The following FIG4 variants were observed in gnomAD, a reference collection of about 807,000 sequenced individuals.
The protein encoded by FIG4 is FIG4 phosphoinositide 5-phosphatase, also known as polyphosphoinositide phosphatase.
In FIG4, 112 loss-of-function variants were observed where a neutral mutation model predicts 118.6. That is an observed-to-expected ratio of 0.94 (90% CI 0.81 to 1.11). The LOEUF (loss-of-function observed/expected upper bound fraction) is 1.11, where lower values mean the gene tolerates loss of function less well. FIG4 is among the 50% of genes least tolerant of loss of function. The pLI is 0.00. For missense variants in FIG4, 969 were observed against 1,111.7 expected, an observed-to-expected ratio of 0.87 and a Z score of 1.83; for synonymous variants, 369 against 381.2, an observed-to-expected ratio of 0.97 and a Z score of 0.37.
chr6:109,774,969 A>G (rs776123718), intron 15 of FIG4, among the ~76,000 whole-genome samples: 16 of 152,158 alleles, frequency 1.1e-4, no homozygotes, highest in Admixed American at 5.2e-4. Flanking sequence ...TTCAAAAATG[A>G]ATTTTTTTCT....
chr6:109,780,185 C>G (rs577340716), intron 16 of FIG4, among the ~76,000 whole-genome samples: 1 of 152,184 alleles, frequency 6.6e-6, no homozygotes, highest in Non-Finnish European at 1.5e-5. Context: ...TGGTTAGCAC[C>G]TAGCAAATAC....
At chr6:109,737,631 A>G (rs1776197138) in intron 6 of FIG4, among the ~76,000 whole-genome samples, 1 of 152,166 alleles carries the variant, frequency 6.6e-6, no homozygotes, top group African/African-American at 2.4e-5. Flanking sequence ...TATCTTATAA[A>G]CATACTTTTA....
intron 10 of FIG4, among the ~76,000 whole-genome samples, chr6:109,759,978 G>A (rs1777051509): frequency 6.6e-6 from 1 of 152,184 alleles, no homozygotes; most frequent in Admixed American, 6.5e-5. Context: ...GGCCCACGTT[G>A]GGTAAGCTGG....
intron 11 of FIG4, 106 bp downstream of exon 11, chr6:109,760,489 C>T: frequency 9.4e-7 from 1 of 1,058,796 alleles, no homozygotes; most frequent in South Asian, 1.3e-5. Context: ...TGTTAATTTC[C>T]TTCATGAACC....
At chr6:109,691,543 T>G in intron 1 of FIG4, 42 bp downstream of exon 1, 1 of 1,494,642 alleles carries the variant, frequency 6.7e-7, no homozygotes, top group Non-Finnish European at 9.1e-7. Flanking sequence ...GGAGGATGGA[T>G]GTCTGCCGGT....
chr6:109,752,541 T>G (rs977590744), intron 10 of FIG4, among the ~76,000 whole-genome samples: 4 of 152,182 alleles, frequency 2.6e-5, no homozygotes, highest in African/African-American at 7.2e-5. Flanking sequence ...CTAACTGGTG[T>G]GAGATGGTAT....
intron 21 of FIG4, among the ~76,000 whole-genome samples, chr6:109,795,099 T>TG (rs1778243716): frequency 9.2e-5 from 2 of 21,788 alleles, no homozygotes; most frequent in Admixed American, 7.6e-4. Flanking sequence ...TTGCCAGTTT[T>TG]TTTTTTTTTT....
intron 22 of FIG4, among the ~76,000 whole-genome samples, chr6:109,799,384 G>A (rs887085824): frequency 2.6e-5 from 4 of 152,222 alleles, no homozygotes; most frequent in African/African-American, 9.6e-5. Context: ...GTGCACGCAC[G>A]TGTGCACAGG....
chr6:109,716,683 A>G, intron 3 of FIG4, 115 bp downstream of exon 3: 1 of 1,251,248 alleles, frequency 8.0e-7, no homozygotes. Context: ...AATTACCTGT[A>G]GCTTTGGTTA....
intron 1 of FIG4, among the ~76,000 whole-genome samples, chr6:109,694,179 AC>A (rs1267329823): frequency 1.3e-5 from 2 of 152,192 alleles, no homozygotes; most frequent in African/African-American, 4.8e-5. Flanking sequence ...CAGTTACTTA[AC>A]CCATTTATGC....
chr6:109,785,510 G>A (rs1777926833), intron 17 of FIG4, among the ~76,000 whole-genome samples: 1 of 152,062 alleles, frequency 6.6e-6, no homozygotes, highest in African/African-American at 2.4e-5. Flanking sequence ...TTTGTCAGAG[G>A]GGCAGGAAAC....
chr6:109,765,214 G>A, intron 14 of FIG4, 53 bp downstream of exon 14: 1 of 1,487,500 alleles, frequency 6.7e-7, no homozygotes, highest in Non-Finnish European at 9.4e-7. Flanking sequence ...AGGCAAACCT[G>A]GTTACTAATA....
rs190668510 is a variant in FIG4, at chr6:109,720,356, G to T, written c.289+3788G>T. Reference sequence around the variant, plus strand: ...ATAACACGTGTGAAATGACTAGAATGGTTGTGTTCTATTCTGTGGCTAAAA... The same window carrying T: ...ATAACACGTGTGAAATGACTAGAATTGTTGTGTTCTATTCTGTGGCTAAAA... On this transcript the variant is annotated intron_variant, in intron 3 of 22. Coordinates refer to ENST00000230124, the MANE Select transcript of FIG4 (RefSeq NM_014845.6). Among the ~76,000 whole-genome samples, 236 of 152,246 alleles carry T rather than the reference G, an allele frequency of 1.6e-3. 1 individual carries two copies. Among genetic ancestry groups the T allele is most frequent in the Non-Finnish European group, 2.5e-3 (168 of 68,004 alleles).
intron 22 of FIG4, among the ~76,000 whole-genome samples, chr6:109,798,421 C>G (rs1195833980): frequency 6.6e-6 from 1 of 152,160 alleles, no homozygotes; most frequent in African/African-American, 2.4e-5. Context: ...TTAAAGCTGC[C>G]ATTCACTGAG....
intron 1 of FIG4, among the ~76,000 whole-genome samples, chr6:109,699,530 T>A (rs1382811541): frequency 1.4e-5 from 2 of 146,428 alleles, no homozygotes; most frequent in Admixed American, 7.0e-5. Context: ...TGAGACGGAG[T>A]CTTGCTGTGT....
At chr6:109,785,469 T>C (rs924984129) in intron 17 of FIG4, among the ~76,000 whole-genome samples, 7 of 152,200 alleles carry the variant, frequency 4.6e-5, no homozygotes, top group Non-Finnish European at 7.3e-5. Flanking sequence ...TAAAAGTACA[T>C]TTTAGTCACA....
chr6:109,803,110 A>G (rs547641226), intron 22 of FIG4, among the ~76,000 whole-genome samples: 3 of 152,308 alleles, frequency 2.0e-5, no homozygotes, highest in African/African-American at 7.2e-5. Flanking sequence ...AAGATCAGGA[A>G]GAGATGCTAA....
At chr6:109,793,850 C>T (rs1040825727) in intron 21 of FIG4, among the ~76,000 whole-genome samples, 2 of 152,158 alleles carry the variant, frequency 1.3e-5, no homozygotes, top group Admixed American at 6.5e-5. Context: ...TTTGAATATG[C>T]GTCATTGACT....
intron 12 of FIG4, among the ~76,000 whole-genome samples, chr6:109,762,779 T>G (rs764526962): frequency 1.4e-4 from 21 of 152,112 alleles, no homozygotes; most frequent in Admixed American, 1.3e-3. Flanking sequence ...TTGCATTGTT[T>G]GCACTTGTTT....
Sources: gnomAD v4.1 joint callset for allele counts (sites outside exome capture counted in the v4.1 genomes callset) on GRCh38, gnomAD v4.1.1 for gene constraint, MANE v1.5 for transcripts, NCBI Gene and HGNC (gene_info 2026-07-23, HGNC 2026-07-21) for gene names.